The following IQCM variants were observed in gnomAD, a reference collection of about 807,000 sequenced individuals.
IQCM encodes IQ domain-containing protein M.
In IQCM, 45 loss-of-function variants were observed where a neutral mutation model predicts 57.6. That is an observed-to-expected ratio of 0.78 (90% CI 0.62 to 1.00). The LOEUF (loss-of-function observed/expected upper bound fraction) is 1.00, where lower values mean the gene tolerates loss of function less well. IQCM is among the 50% of genes least tolerant of loss of function. The probability of loss-of-function intolerance (pLI) is 0.00; values close to 1 mark genes in which losing one functional copy is unlikely to be tolerated. For missense variants in IQCM, 468 were observed against 511.6 expected, an observed-to-expected ratio of 0.91 and a Z score of 0.82; for synonymous variants, 148 against 158.9, an observed-to-expected ratio of 0.93 and a Z score of 0.51.
chr4:149,786,825 T>C (rs1486570351), intron 2 of IQCM, among the ~76,000 whole-genome samples: 1 of 152,234 alleles, frequency 6.6e-6, no homozygotes, highest in African/African-American at 2.4e-5. Flanking sequence ...ATCCCATTAC[T>C]GGGTATATAC....
At chr4:149,643,401 T>C (rs766380221) in intron 7 of IQCM, among the ~76,000 whole-genome samples, 1 of 152,208 alleles carries the variant, frequency 6.6e-6, no homozygotes, top group Non-Finnish European at 1.5e-5. Flanking sequence ...AGATGTATGT[T>C]ATGGAGGCTT....
chr4:149,498,561 A>G lies in IQCM; in HGVS notation c.1228+49894T>C, dbSNP rs112085238. On this transcript the variant is annotated intron_variant, in intron 12 of 13. Coordinates refer to ENST00000636793, the MANE Select transcript of IQCM (RefSeq NM_001363507.2). Reference sequence around the variant, plus strand: ...TCTGAGCAATACCAAGGAGCAGGGCAGGAACTAAGAGGGGCTATGTAGGAA... The same window carrying G: ...TCTGAGCAATACCAAGGAGCAGGGCGGGAACTAAGAGGGGCTATGTAGGAA... Among the ~76,000 whole-genome samples the G allele has an allele frequency of 5.7e-3, 869 of 152,260 alleles. 7 individuals carry two copies. The highest frequency in any genetic ancestry group is 0.019 in the African/African-American group (803 of 41,562).
chr4:149,353,820 G>T (rs948483773), intron 13 of IQCM, among the ~76,000 whole-genome samples: 4 of 152,116 alleles, frequency 2.6e-5, no homozygotes, highest in Non-Finnish European at 5.9e-5. Flanking sequence ...GGATCACAAA[G>T]TAGCAGATGT....
chr4:149,768,561 G>C (rs2149981596), intron 2 of IQCM, among the ~76,000 whole-genome samples: 1 of 152,136 alleles, frequency 6.6e-6, no homozygotes, highest in South Asian at 2.1e-4. Flanking sequence ...TCAATTTTCT[G>C]AACAGCCTAC....
At chr4:149,614,857 A>T (rs1755642527) in intron 8 of IQCM, among the ~76,000 whole-genome samples, 1 of 152,190 alleles carries the variant, frequency 6.6e-6, no homozygotes, top group East Asian at 1.9e-4. Flanking sequence ...GTTCTAGGGC[A>T]TCCACAAGTG....
At chr4:149,687,451 T>G (rs1377463598) in intron 5 of IQCM, among the ~76,000 whole-genome samples, 1 of 151,444 alleles carries the variant, frequency 6.6e-6, no homozygotes, top group East Asian at 1.9e-4. Flanking sequence ...AAAAACAATA[T>G]AGTAGGAAAG....
At chr4:149,583,188 C>T (rs1752364621) in intron 9 of IQCM, among the ~76,000 whole-genome samples, 1 of 151,456 alleles carries the variant, frequency 6.6e-6, no homozygotes. Flanking sequence ...AACTATTCTT[C>T]ATCTACATAT....
intron 12 of IQCM, among the ~76,000 whole-genome samples, chr4:149,465,740 A>G (rs1049570481): frequency 3.3e-5 from 5 of 151,762 alleles, no homozygotes; most frequent in Non-Finnish European, 7.4e-5. Flanking sequence ...GAAAAAAAAA[A>G]GTTTTTTTTT....
At chr4:149,487,686 C>A (rs1466916019) in intron 12 of IQCM, among the ~76,000 whole-genome samples, 1 of 152,152 alleles carries the variant, frequency 6.6e-6, no homozygotes, top group African/African-American at 2.4e-5. Flanking sequence ...CTATGCACTG[C>A]ATGGCTTTAT....
intron 7 of IQCM, among the ~76,000 whole-genome samples, chr4:149,670,106 T>C (rs1761121669): frequency 6.6e-6 from 1 of 152,250 alleles, no homozygotes; most frequent in South Asian, 2.1e-4. Context: ...TTCCTATCCA[T>C]GAGCATGGCA....
chr4:149,379,927 G>T (rs112333790), intron 13 of IQCM, among the ~76,000 whole-genome samples: 1 of 152,092 alleles, frequency 6.6e-6, no homozygotes, highest in Non-Finnish European at 1.5e-5. Flanking sequence ...TGAATCAAGG[G>T]GGTGGTTCCC....
At chr4:149,603,505 A>C (rs971292484) in intron 8 of IQCM, among the ~76,000 whole-genome samples, 1 of 152,124 alleles carries the variant, frequency 6.6e-6, no homozygotes, top group African/African-American at 2.4e-5. Flanking sequence ...CCTATTCTTC[A>C]TTACTAGGAT....
intron 12 of IQCM, among the ~76,000 whole-genome samples, chr4:149,499,381 A>C (rs1743006760): frequency 6.6e-6 from 1 of 152,208 alleles, no homozygotes; most frequent in Non-Finnish European, 1.5e-5. Flanking sequence ...TCAAGAAAAC[A>C]ATACTTTTTT....
chr4:149,740,584 CTCCAAGAGAAATAA>C (rs1767366690), intron 3 of IQCM, among the ~76,000 whole-genome samples: 1 of 151,970 alleles, frequency 6.6e-6, no homozygotes, highest in South Asian at 2.1e-4. Context: ...AACAGAAATA[CTCCAAGAGAAATAA>C]GTGAATGGAA....
At chr4:149,583,125 C>G (rs1039840838) in intron 9 of IQCM, among the ~76,000 whole-genome samples, 8 of 151,442 alleles carry the variant, frequency 5.3e-5, no homozygotes, top group African/African-American at 1.7e-4. Context: ...AGTGTCATAT[C>G]TTATTATTAT....
intron 12 of IQCM, among the ~76,000 whole-genome samples, chr4:149,509,163 C>T (rs1175281787): frequency 6.6e-6 from 1 of 152,156 alleles, no homozygotes; most frequent in Non-Finnish European, 1.5e-5. Context: ...CTTCATCATC[C>T]TCAATATGTT....
chr4:149,756,142 C>T (rs1193381643), intron 2 of IQCM, among the ~76,000 whole-genome samples: 3 of 152,126 alleles, frequency 2.0e-5, no homozygotes, highest in Non-Finnish European at 4.4e-5. Context: ...ATATTCACTC[C>T]CTAGACTGCA....
At chr4:149,568,216 T>C (rs1750813633) in intron 9 of IQCM, among the ~76,000 whole-genome samples, 1 of 152,122 alleles carries the variant, frequency 6.6e-6, no homozygotes, top group African/African-American at 2.4e-5. Context: ...GGGTAGTGGC[T>C]CCAGGTCACG....
At position 149,553,427 on chromosome 4, in the gene IQCM, C is replaced by T. The variant is rs563756234; in HGVS notation, c.949-140G>A. On this transcript the variant is annotated intron_variant, in intron 10 of 13. Coordinates refer to ENST00000636793, the MANE Select transcript of IQCM (RefSeq NM_001363507.2). ...TTATTGCCTAGGTTGGCTAAATATA[C>T]GCATTGTAGAGTAATATAATCTCCC... 224 of 538,450 alleles carry T rather than the reference C, an allele frequency of 4.2e-4. No individual in the cohort carries two copies. In the East Asian group the frequency reaches 5.6e-3, roughly 13 times the overall value. The allele number at this position is 538,450 out of a possible 1,614,324, so 33.4% of individuals were successfully genotyped here.
Sources: gnomAD v4.1 joint callset for allele counts (sites outside exome capture counted in the v4.1 genomes callset) on GRCh38, gnomAD v4.1.1 for gene constraint, MANE v1.5 for transcripts, NCBI Gene and HGNC (gene_info 2026-07-23, HGNC 2026-07-21) for gene names.